STMN1: variants seen among roughly 807,000 people sequenced by gnomAD.
The protein encoded by STMN1 is stathmin.
A neutral mutation model predicts 19.7 loss-of-function variants in STMN1; 3 were observed. The observed-to-expected ratio is 0.15, with a 90% CI of 0.07 to 0.39. STMN1 has a LOEUF of 0.39. Among genes scored for constraint, STMN1 ranks in the 10% least tolerant of loss-of-function variants. The probability of loss-of-function intolerance (pLI) is 1.00; values close to 1 mark genes in which losing one functional copy is unlikely to be tolerated. For synonymous variants in STMN1, 59 were observed against 58.9 expected (o/e 1.00, Z -0.01); for missense variants, 99 against 176.0 (o/e 0.56, Z 2.48).
Position 25,900,632 on chromosome 1 carries a change from T to C in STMN1, c.*384A>G, listed in dbSNP as rs2048861099. The C allele has an allele frequency of 2.0e-6, 2 of 997,124 alleles. No individual in the cohort carries two copies. Among genetic ancestry groups the C allele is most frequent in the African/African-American group, 1.7e-5 (1 of 57,654 alleles). 61.8% of individuals were successfully genotyped at this position (997,124 alleles called of 1,614,324 possible). ...AGCATCTGGTAAGATTGGGACAGAA[T>C]TGGGATTGAAAAGTGAACAGATATT... On this transcript the variant is annotated 3_prime_UTR_variant, in exon 5 of 5. Transcript: ENST00000455785.
chr1:25,888,377 C>T (rs61179488), intron 4 of STMN1, among the ~76,000 whole-genome samples: 2,043 of 152,286 alleles, frequency 0.013, 49 homozygotes, highest in African/African-American at 0.047. Context: ...TTCTTGATTA[C>T]AGCAGAATGC....
At chr1:25,895,251 C>T (rs578009217), downstream of STMN1, among the ~76,000 whole-genome samples, 11 of 151,998 alleles carry the variant, frequency 7.2e-5, no homozygotes, top group East Asian at 1.9e-4. Context: ...TACAGGCACC[C>T]GCCACCACGC....
chr1:25,903,869 C>T (rs1211631085), intron 2 of STMN1, 56 bp from the exon 3 acceptor site: 2 of 1,524,186 alleles, frequency 1.3e-6, no homozygotes, highest in Admixed American at 4.6e-5. Flanking sequence ...TTCTAATAAA[C>T]TGTACTATAA....
downstream of STMN1, among the ~76,000 whole-genome samples, chr1:25,899,075 T>G (rs2048846361): frequency 6.6e-6 from 1 of 152,222 alleles, no homozygotes; most frequent in African/African-American, 2.4e-5. Flanking sequence ...TTCCTGTGAC[T>G]TAAGCCTGTC....
At chr1:25,905,255 A>T (rs1456568728) in intron 1 of STMN1, 1 of 152,330 alleles carries the variant, frequency 6.6e-6, no homozygotes, top group Non-Finnish European at 1.5e-5. Flanking sequence ...GCCCAACAGC[A>T]AGCAAAATGT....
rs1572302175 is a variant in STMN1 at position 25,900,888 on chromosome 1, T to G, written c.*128A>C. 6.7e-7 allele frequency: 1 copy of G among 1,481,944 alleles called. No individual in the cohort carries two copies. The highest frequency in any genetic ancestry group is 1.4e-5 in the African/African-American group (1 of 70,066). The allele number at this position is 1,481,944 out of a possible 1,614,324, so 91.8% of individuals were successfully genotyped here. A position where few individuals can be genotyped will look rare whatever the true frequency, so the allele number is the denominator to read the frequency against. On this transcript the variant is annotated 3_prime_UTR_variant, in exon 5 of 5. Coordinates refer to ENST00000455785, the MANE Select transcript of STMN1 (RefSeq NM_005563.4). ...CAACATCTTACAGTCTGGATCTGGA[T>G]CTACCTATACAGTCCTACATTAGCT...
chr1:25,894,525 C>A (rs1447673815), intron 4 of STMN1, among the ~76,000 whole-genome samples: 1 of 152,064 alleles, frequency 6.6e-6, no homozygotes, highest in African/African-American at 2.4e-5. Flanking sequence ...ACAAAAAATA[C>A]GAAAATTAGC....
In STMN1 at chr1:25,904,656, T is replaced by C. The variant is rs2048916672; in HGVS notation, c.13+8A>G. On this transcript the variant is annotated splice_region_variant and intron_variant, in intron 2 of 4. Transcript: ENST00000455785. The stretch of plus-strand genomic sequence containing the variant: ...TACAATTTCAGATTTTCCAAATAGA[T>C]TACCTACCAGAAGAAGCCATGGTGA... 6.2e-7 allele frequency: 1 copy of C among 1,613,088 alleles called. No homozygotes were observed. Among genetic ancestry groups the C allele is most frequent in the South Asian group, 1.1e-5 (1 of 90,982 alleles).
downstream of STMN1, among the ~76,000 whole-genome samples, chr1:25,896,664 G>A (rs1188051213): frequency 6.6e-6 from 1 of 152,202 alleles, no homozygotes; most frequent in Non-Finnish European, 1.5e-5. Flanking sequence ...GCATTTTGGA[G>A]CTCATCAAAC....
intron 3 of STMN1, 107 bp downstream of exon 3, chr1:25,903,534 A>G (rs2048899798): frequency 7.0e-7 from 1 of 1,437,256 alleles, no homozygotes; most frequent in Admixed American, 2.1e-5. Flanking sequence ...GGCATATGTA[A>G]TAATCACAGT....
Position 25,900,595 on chromosome 1 carries a change from T to C in STMN1, c.*421A>G. On this transcript the variant is annotated 3_prime_UTR_variant, in exon 5 of 5. Coordinates refer to ENST00000455785, the MANE Select transcript of STMN1 (RefSeq NM_005563.4). ...CAGCACTGTGCAGTTTTATTAACCATTCAAGTCCAGTAGCATCTGGTAAGA... is the reference window on the plus strand; with the variant it reads ...CAGCACTGTGCAGTTTTATTAACCACTCAAGTCCAGTAGCATCTGGTAAGA... 1.0e-6 allele frequency: 1 copy of C among 989,286 alleles called. No homozygotes were observed. The highest frequency in any genetic ancestry group is 1.2e-6 in the Non-Finnish European group (1 of 832,324). 61.3% of individuals were successfully genotyped at this position (989,286 alleles called of 1,614,324 possible).
intron 4 of STMN1, chr1:25,887,224 CAA>C (rs2048729755): frequency 6.2e-6 from 1 of 160,392 alleles, no homozygotes; most frequent in Non-Finnish European, 1.4e-5. Flanking sequence ...CAGGAATGAA[CAA>C]GAGACATTGT....
downstream of STMN1, among the ~76,000 whole-genome samples, chr1:25,895,260 G>A (rs2048809490): frequency 6.6e-6 from 1 of 151,904 alleles, no homozygotes; most frequent in African/African-American, 2.4e-5. Context: ...CCGCCACCAC[G>A]CCCGGCTAAT....
At chr1:25,905,155 C>T (rs895905721) in intron 1 of STMN1, 2 of 154,384 alleles carry the variant, frequency 1.3e-5, no homozygotes, top group African/African-American at 4.8e-5. Context: ...CCTGCTTTGT[C>T]TGTGTCTGAC....
chr1:25,896,705 A>T (rs1163228252), downstream of STMN1, among the ~76,000 whole-genome samples: 1 of 152,212 alleles, frequency 6.6e-6, no homozygotes, highest in Admixed American at 6.5e-5. Flanking sequence ...ATCTAAGTGC[A>T]TGTACGAAAC....
At chr1:25,897,744 G>A (rs2048831950), downstream of STMN1, among the ~76,000 whole-genome samples, 1 of 152,166 alleles carries the variant, frequency 6.6e-6, no homozygotes, top group Admixed American at 6.5e-5. Flanking sequence ...ATCTGCCTGG[G>A]TAAGCTTCTC....
At chr1:25,899,816 A>G (rs2048851383), downstream of STMN1, among the ~76,000 whole-genome samples, 4 of 152,300 alleles carry the variant, frequency 2.6e-5, no homozygotes, top group South Asian at 8.3e-4. Context: ...CAGCAGAGGC[A>G]CATGCGTTAG....
At chr1:25,892,361 C>A (rs929057632) in intron 4 of STMN1, among the ~76,000 whole-genome samples, 1 of 150,030 alleles carries the variant, frequency 6.7e-6, no homozygotes, top group Non-Finnish European at 1.5e-5. Context: ...TGCATTCCAG[C>A]CTGGGAGACA....
chr1:25,905,954 G>A (rs1345598982), intron 1 of STMN1: 2 of 152,190 alleles, frequency 1.3e-5, no homozygotes, highest in African/African-American at 4.8e-5. Flanking sequence ...GTCGCCAGGG[G>A]ACGGTCGCAG....
Sources: gnomAD v4.1 joint callset for allele counts (sites outside exome capture counted in the v4.1 genomes callset) on GRCh38, gnomAD v4.1.1 for gene constraint, MANE v1.5 for transcripts, NCBI Gene and HGNC (gene_info 2026-07-23, HGNC 2026-07-21) for gene names.